Variants in EYS observed in about 807,000 individuals in gnomAD.
The protein encoded by EYS is EGF-like photoreceptor maintenance factor.
Under a neutral mutation model 282.1 loss-of-function variants are expected in EYS, and 250 were observed. That is an observed-to-expected ratio of 0.89 (90% CI 0.80 to 0.98). The LOEUF (loss-of-function observed/expected upper bound fraction) is 0.98, where lower values mean the gene tolerates loss of function less well. Among genes scored for constraint, EYS ranks in the 50% least tolerant of loss-of-function variants. The pLI, the probability that EYS is intolerant of heterozygous loss-of-function variation, is 0.00. For missense variants in EYS, 4,016 were observed against 3,709.0 expected, an observed-to-expected ratio of 1.08 and a Z score of -2.15; for synonymous variants, 1,355 against 1,282.9, an observed-to-expected ratio of 1.06 and a Z score of -1.20.
intron 35 of EYS, among the ~76,000 whole-genome samples, chr6:63,885,079 A>C (rs987904328): frequency 6.6e-6 from 1 of 152,168 alleles, no homozygotes; most frequent in Non-Finnish European, 1.5e-5. Flanking sequence ...CAGGTTCTAA[A>C]TGGAAATCTA....
intron 12 of EYS, among the ~76,000 whole-genome samples, chr6:65,232,246 G>A (rs1330061739): frequency 6.6e-6 from 1 of 151,936 alleles, no homozygotes; most frequent in Non-Finnish European, 1.5e-5. Flanking sequence ...CAGATATAAT[G>A]TCCAAAATTA....
At chr6:64,404,578 G>T (rs770299672) in intron 28 of EYS, among the ~76,000 whole-genome samples, 3 of 152,188 alleles carry the variant, frequency 2.0e-5, no homozygotes, top group Non-Finnish European at 2.9e-5. Context: ...AGGCAAGACA[G>T]TCCACGCTGG....
At chr6:63,919,036 GCGACTTTCTTCAA>G (rs1417637118) in intron 35 of EYS, among the ~76,000 whole-genome samples, 1 of 152,142 alleles carries the variant, frequency 6.6e-6, no homozygotes, top group Non-Finnish European at 1.5e-5. Context: ...ACTTTCAGCA[GCGACTTTCTTCAA>G]AGCTGTGCTC....
chr6:64,827,890 G>A (rs1488973441), intron 19 of EYS, among the ~76,000 whole-genome samples: 1 of 151,586 alleles, frequency 6.6e-6, no homozygotes, highest in African/African-American at 2.4e-5. Context: ...ATTATGAAAT[G>A]TAAAAAAAAT....
intron 9 of EYS, among the ~76,000 whole-genome samples, chr6:65,349,415 C>T (rs932403757): frequency 6.6e-6 from 1 of 151,358 alleles, no homozygotes; most frequent in Non-Finnish European, 1.5e-5. Flanking sequence ...TTATTAAAAT[C>T]TCAATAAACC....
chr6:65,434,067 C>T (rs924554983), intron 5 of EYS, among the ~76,000 whole-genome samples: 4 of 152,212 alleles, frequency 2.6e-5, no homozygotes, highest in African/African-American at 7.2e-5. Context: ...TTTTATTTTC[C>T]CTGATCTTCA....
chr6:64,948,608 T>C (rs1769378083), intron 14 of EYS, among the ~76,000 whole-genome samples: 1 of 147,080 alleles, frequency 6.8e-6, no homozygotes, highest in Non-Finnish European at 1.5e-5. Context: ...TATTAAATAA[T>C]ATTAAATAAT....
At chr6:64,114,886 C>A (rs886809426) in intron 31 of EYS, among the ~76,000 whole-genome samples, 2 of 152,118 alleles carry the variant, frequency 1.3e-5, no homozygotes, top group African/African-American at 4.8e-5. Context: ...CCCAACCCAA[C>A]AAGAAGCTAC....
chr6:64,833,191 A>AAAG (rs1158653433), intron 19 of EYS, among the ~76,000 whole-genome samples: 1 of 151,946 alleles, frequency 6.6e-6, no homozygotes, highest in Non-Finnish European at 1.5e-5. Flanking sequence ...TTTACATGGT[A>AAAG]AAGTATTTCA....
chr6:65,353,038 C>T (rs1453128163), intron 9 of EYS, among the ~76,000 whole-genome samples: 1 of 151,962 alleles, frequency 6.6e-6, no homozygotes, highest in Non-Finnish European at 1.5e-5. Flanking sequence ...GGCAACCCAA[C>T]TCAATATCTC....
intron 30 of EYS, among the ~76,000 whole-genome samples, chr6:64,265,872 A>G (rs1473017343): frequency 6.6e-6 from 1 of 152,144 alleles, no homozygotes; most frequent in Non-Finnish European, 1.5e-5. Context: ...TCCTGGAGTT[A>G]GCACAGTGAA....
intron 26 of EYS, among the ~76,000 whole-genome samples, chr6:64,578,623 T>G (rs567306397): frequency 2.0e-5 from 3 of 149,458 alleles, no homozygotes; most frequent in Non-Finnish European, 3.0e-5. Flanking sequence ...GTGTGTGTGG[T>G]GTGTGTGTGT....
At chr6:64,527,353 C>A (rs1453424533) in intron 26 of EYS, among the ~76,000 whole-genome samples, 1 of 151,836 alleles carries the variant, frequency 6.6e-6, no homozygotes, top group Non-Finnish European at 1.5e-5. Flanking sequence ...GGGCCTTCTT[C>A]TGTTCCTTTA....
At chr6:65,040,309 C>A (rs1323638631) in intron 13 of EYS, among the ~76,000 whole-genome samples, 1 of 151,596 alleles carries the variant, frequency 6.6e-6, no homozygotes, top group African/African-American at 2.4e-5. Flanking sequence ...CATGTTCCTC[C>A]CATGTTTTCC....
intron 12 of EYS, among the ~76,000 whole-genome samples, chr6:65,265,566 G>T (rs1406387705): frequency 6.6e-6 from 1 of 151,980 alleles, no homozygotes; most frequent in Admixed American, 6.6e-5. Context: ...ATAACAATGT[G>T]TATAGAGTAT....
intron 15 of EYS, 59 bp downstream of exon 15, chr6:64,945,734 C>T (rs1769264091): frequency 1.4e-6 from 2 of 1,475,644 alleles, no homozygotes; most frequent in Admixed American, 4.1e-5. Context: ...TGGATGTATC[C>T]CAAGGACACT....
At chr6:63,844,888 C>T (rs1772058226) in intron 36 of EYS, among the ~76,000 whole-genome samples, 1 of 152,012 alleles carries the variant, frequency 6.6e-6, no homozygotes. Context: ...TCAATTTTTG[C>T]TTTTGTTGCA....
intron 11 of EYS, chr6:65,330,370 G>A: frequency 3.0e-6 from 3 of 984,364 alleles, no homozygotes; most frequent in Non-Finnish European, 3.6e-6. Flanking sequence ...AAAAACAGGT[G>A]GGAGTCATGA....
intron 22 of EYS, among the ~76,000 whole-genome samples, chr6:64,801,469 C>T (rs2150008122): frequency 6.6e-6 from 1 of 152,118 alleles, no homozygotes; most frequent in South Asian, 2.1e-4. Flanking sequence ...AAGTTACTTA[C>T]ATATAATTTA....
Sources: allele counts gnomAD v4.1 joint callset (sites outside exome capture counted in the v4.1 genomes callset), GRCh38; gene constraint gnomAD v4.1.1; transcripts MANE v1.5; gene names NCBI Gene and HGNC (gene_info 2026-07-23, HGNC 2026-07-21).